The following HSP90AA1 variants were observed in gnomAD, a reference collection of about 807,000 sequenced individuals.
HSP90AA1 encodes the protein heat shock protein HSP 90-alpha.
A neutral mutation model predicts 73.3 loss-of-function variants in HSP90AA1; 18 were observed. That is an observed-to-expected ratio of 0.25 (90% CI 0.17 to 0.36). The LOEUF (loss-of-function observed/expected upper bound fraction) is 0.36. Among genes scored for constraint, HSP90AA1 ranks in the 10% least tolerant of loss-of-function variants. The pLI, the probability that HSP90AA1 is intolerant of heterozygous loss-of-function variation, is 1.00. For missense variants in HSP90AA1, 704 were observed against 874.2 expected, an observed-to-expected ratio of 0.81 and a Z score of 2.45; for synonymous variants, 477 against 296.9, an observed-to-expected ratio of 1.61 and a Z score of -6.24.
rs543516059 is a variant in HSP90AA1, at chr14:102,127,854, C to A, written c.155+11396G>T. Among the ~76,000 whole-genome samples the A allele has an allele frequency of 2.6e-5, 4 of 152,136 alleles. No homozygotes were observed. The East Asian group carries it at 7.7e-4, about 29-fold the overall frequency. On this transcript the variant is annotated intron_variant, in intron 1 of 11. Coordinates refer to the HSP90AA1 transcript ENST00000334701. ...ATAGAGACAGGGCCTTGCTATGTTG[C>A]CAGGTTGGTTGTGACCTCTTGGGCT...
chr14:102,097,516 T>A lies in HSP90AA1; in HGVS notation c.366+4359A>T, dbSNP rs1425843445. Reference sequence around the variant, plus strand: ...CCCTCCACTGCTGCTCCTGTTCTGGTCTTGGCCAATGCAAGAGCAGAGGCC... The same window carrying A: ...CCCTCCACTGCTGCTCCTGTTCTGGACTTGGCCAATGCAAGAGCAGAGGCC... On this transcript the variant is annotated intron_variant, in intron 2 of 11. Coordinates refer to the HSP90AA1 transcript ENST00000334701. Among the ~76,000 whole-genome samples, 14 of 152,224 alleles carry A rather than the reference T, an allele frequency of 9.2e-5. No individual in the cohort carries two copies. The East Asian group carries it at 2.5e-3, about 27-fold the overall frequency.
In HSP90AA1 at chr14:102,082,098, G is replaced by GTA. The variant is rs1566717421; in HGVS notation, c.2089+11_2089+12dup. The GTA allele has an allele frequency of 1.3e-6, 2 of 1,546,540 alleles. No homozygotes were observed. Among genetic ancestry groups the GTA allele is most frequent in the Admixed American group, 3.3e-5 (2 of 59,724 alleles). On this transcript the variant is annotated intron_variant, in intron 10 of 10. Transcript: ENST00000216281. Reference sequence around the variant, plus strand: ...TTTATTTTCTTTTTAACATTACATAGTATAAGGCTTACCCAGACCAAGTTT... The same window carrying GTA: ...TTTATTTTCTTTTTAACATTACATAGTATATAAGGCTTACCCAGACCAAGTTT...
chr14:102,109,428 G>A (rs1429383024), intron 1 of HSP90AA1, among the ~76,000 whole-genome samples: 1 of 152,080 alleles, frequency 6.6e-6, no homozygotes, highest in Non-Finnish European at 1.5e-5. Context: ...TCTTTCCTGT[G>A]CTATTCTCAT....
At chr14:102,082,590 A>T in intron 9 of HSP90AA1, 146 bp from the exon 10 acceptor site, 1 of 686,278 alleles carries the variant, frequency 1.5e-6, no homozygotes, top group Non-Finnish European at 2.5e-6. Flanking sequence ...TTAGGTATCC[A>T]AAGAGCACAG....
chr14:102,100,853 C>T (rs1038802631), intron 2 of HSP90AA1, among the ~76,000 whole-genome samples: 1 of 152,238 alleles, frequency 6.6e-6, no homozygotes, highest in Admixed American at 6.5e-5. Flanking sequence ...CCATGTACTT[C>T]AATTTCCTCA....
At chr14:102,094,390 G>T (rs2049397589) in intron 2 of HSP90AA1, among the ~76,000 whole-genome samples, 2 of 152,212 alleles carry the variant, frequency 1.3e-5, no homozygotes, top group South Asian at 4.1e-4. Flanking sequence ...GCAAAATTGG[G>T]TCCTGACCAT....
At chr14:102,134,670 G>C (rs576204178) in intron 1 of HSP90AA1, among the ~76,000 whole-genome samples, 1 of 152,060 alleles carries the variant, frequency 6.6e-6, no homozygotes. Flanking sequence ...CGTTCCTCCC[G>C]GTGGGCTCGT....
In HSP90AA1 at chr14:102,082,556, G is replaced by A. The variant is rs1454387143; in HGVS notation, c.1756-112C>T. ...CAATAGATCCAAAATACTATCTACTGTCAAATACAACTTAAATGTCGCATT... is the reference window on the plus strand; with the variant it reads ...CAATAGATCCAAAATACTATCTACTATCAAATACAACTTAAATGTCGCATT... On this transcript the variant is annotated intron_variant, in intron 9 of 10. Transcript: ENST00000216281. 3.3e-5 allele frequency: 26 copies of A among 780,734 alleles called. 2 individuals are homozygous for A. The South Asian group carries it at 3.7e-4, about 11-fold the overall frequency. The allele number at this position is 780,734 out of a possible 1,614,324, so 48.4% of individuals were successfully genotyped here.
At chr14:102,087,614 G>A (rs1236617483), upstream of HSP90AA1, among the ~76,000 whole-genome samples, 2 of 152,176 alleles carry the variant, frequency 1.3e-5, no homozygotes, top group African/African-American at 4.8e-5. Flanking sequence ...AAGCGGCGCC[G>A]GGATCGCGGG....
intron 1 of HSP90AA1, among the ~76,000 whole-genome samples, chr14:102,116,777 A>T (rs1052587863): frequency 2.2e-4 from 33 of 151,652 alleles, no homozygotes; most frequent in African/African-American, 5.6e-4. Flanking sequence ...CGCTGCCACA[A>T]TGGGGCTGGG....
chr14:102,085,780 T>G lies in HSP90AA1; in HGVS notation c.507A>C (p.Ser169=), dbSNP rs1474805606. 6.2e-7 allele frequency: 1 copy of G among 1,614,012 alleles called. No individual in the cohort carries two copies. Among genetic ancestry groups the G allele is most frequent in the Non-Finnish European group, 8.5e-7 (1 of 1,179,860 alleles). The change falls in exon 3 of 11, where the codon TCA becomes TCC. Residue 169 remains serine (S), a synonymous_variant. Transcript: ENST00000216281. ...TACCTGTGTCTGTCCTCACTGTGAA[T>G]GATCCCCCTGCTGAGGACTCCCAAG... The part of the protein sequence containing the change: ...QYAWESSAGG[S]FTVRTDTGEP...
At chr14:102,087,616 G>C (rs1032195574), upstream of HSP90AA1, among the ~76,000 whole-genome samples, 5 of 152,302 alleles carry the variant, frequency 3.3e-5, no homozygotes, top group South Asian at 2.1e-4. Context: ...GCGGCGCCGG[G>C]ATCGCGGGGC....
intron 1 of HSP90AA1, among the ~76,000 whole-genome samples, chr14:102,123,963 GT>G (rs1483306253): frequency 6.6e-6 from 1 of 151,906 alleles, no homozygotes; most frequent in East Asian, 1.9e-4. Context: ...ACCACACCTG[GT>G]TAATCTTTAA....
upstream of HSP90AA1, among the ~76,000 whole-genome samples, chr14:102,089,109 CG>C (rs756847368): frequency 6.6e-6 from 1 of 151,922 alleles, no homozygotes; most frequent in Non-Finnish European, 1.5e-5. Flanking sequence ...TTAGTAGAGA[CG>C]GGGTTTCACC....
At chr14:102,103,246 AGGGTCTC>A (rs2049519640) in intron 1 of HSP90AA1, among the ~76,000 whole-genome samples, 1 of 130,110 alleles carries the variant, frequency 7.7e-6, no homozygotes, top group Non-Finnish European at 1.6e-5. Flanking sequence ...TTTTTCAGAT[AGGGTCTC>A]GGTTCTAGTG....
chr14:102,094,911 G>A (rs1486974534), intron 2 of HSP90AA1, among the ~76,000 whole-genome samples: 1 of 152,160 alleles, frequency 6.6e-6, no homozygotes, highest in East Asian at 1.9e-4. Context: ...GAGTTGGTGG[G>A]TGTAGCAGGG....
chr14:102,115,109 T>C (rs2049689705), intron 1 of HSP90AA1, among the ~76,000 whole-genome samples: 1 of 149,352 alleles, frequency 6.7e-6, no homozygotes, highest in African/African-American at 2.5e-5. Context: ...ATGGCGCCAC[T>C]GCACTCCAGC....
At chr14:102,088,366 AAT>A (rs2152615033), upstream of HSP90AA1, among the ~76,000 whole-genome samples, 1 of 152,228 alleles carries the variant, frequency 6.6e-6, no homozygotes, top group South Asian at 2.1e-4. Context: ...CCCTCGGAAT[AAT>A]CTGAAAGCTC....
intron 1 of HSP90AA1, among the ~76,000 whole-genome samples, chr14:102,134,393 G>A (rs759886618): frequency 6.6e-6 from 1 of 151,330 alleles, no homozygotes; most frequent in Admixed American, 6.6e-5. Context: ...TATGCAGTAG[G>A]TAAGAAACAG....
Sources: allele counts gnomAD v4.1 joint callset (sites outside exome capture counted in the v4.1 genomes callset), GRCh38; gene constraint gnomAD v4.1.1; transcripts MANE v1.5; gene names NCBI Gene and HGNC (gene_info 2026-07-23, HGNC 2026-07-21).